Variants in ABCA1 observed in about 807,000 individuals in gnomAD.
The protein encoded by ABCA1 is ATP binding cassette subfamily A member 1, also known as phospholipid-transporting ATPase ABCA1.
ABCA1 carries 133 observed loss-of-function variants against 262.5 expected under a neutral mutation model. The ratio of observed to expected loss-of-function variants is 0.51; its 90% CI spans 0.44 to 0.59. The LOEUF (loss-of-function observed/expected upper bound fraction) is 0.59. ABCA1 is among the 20% of genes least tolerant of loss of function. ABCA1 has a pLI of 0.00. For missense variants in ABCA1, 2,452 were observed against 2,777.5 expected (o/e 0.88, Z 2.63); for synonymous variants, 1,022 against 1,043.5 (o/e 0.98, Z 0.40).
chr9:104,799,533 T>A, intron 36 of ABCA1: 1 of 981,782 alleles, frequency 1.0e-6, no homozygotes, highest in Non-Finnish European at 1.2e-6. Flanking sequence ...TAAACACTTA[T>A]AATTAAATTA....
intron 2 of ABCA1, among the ~76,000 whole-genome samples, chr9:104,901,615 C>A (rs564074957): frequency 6.6e-6 from 1 of 152,024 alleles, no homozygotes; most frequent in African/African-American, 2.4e-5. Flanking sequence ...GGGATAACCA[C>A]GGGAGGCAGG....
At chr9:104,882,810 T>C (rs565796584) in intron 5 of ABCA1, among the ~76,000 whole-genome samples, 2 of 152,350 alleles carry the variant, frequency 1.3e-5, no homozygotes, top group South Asian at 4.1e-4. Flanking sequence ...CTGGGGACTT[T>C]TCTTCTGTCT....
intron 44 of ABCA1, 41 bp downstream of exon 44, chr9:104,790,881 C>G: frequency 7.4e-7 from 1 of 1,348,864 alleles, no homozygotes; most frequent in Non-Finnish European, 1.1e-6. Context: ...AAATTAAAAA[C>G]AAAGTCTTTG....
At chr9:104,878,056 C>A (rs763285019) in intron 5 of ABCA1, among the ~76,000 whole-genome samples, 2 of 152,278 alleles carry the variant, frequency 1.3e-5, no homozygotes, top group Admixed American at 6.5e-5. Flanking sequence ...AGATACCACA[C>A]AAAACTCACC....
At chr9:104,820,723 G>C (rs1038037820) in intron 20 of ABCA1, among the ~76,000 whole-genome samples, 1 of 152,002 alleles carries the variant, frequency 6.6e-6, no homozygotes, top group African/African-American at 2.4e-5. Context: ...AGCACTACCA[G>C]GTCTGGGAAG....
Position 104,862,653 on chromosome 9 carries a change from CCGGGCCGGGCCGG to C in ABCA1, c.422-866_422-854del, listed in dbSNP as rs1836599577. Among the ~76,000 whole-genome samples the C allele has an allele frequency of 3.9e-3, 14 of 3,584 alleles. 3 individuals are homozygous for C. The highest frequency in any genetic ancestry group is 6.4e-3 in the Admixed American group (3 of 470). 2.4% of individuals were successfully genotyped at this position (3,584 alleles called of 152,430 possible). ...GACTGCCGGGCCGGGCCGGGCCGGGCCGGGCCGGGCCGGGCCGGGCCGGGCCGGGCCGGGCCGG... is the reference window on the plus strand; with the variant it reads ...GACTGCCGGGCCGGGCCGGGCCGGGCGCCGGGCCGGGCCGGGCCGGGCCGG... On this transcript the variant is annotated intron_variant, in intron 5 of 49. Transcript: ENST00000374736.
intron 5 of ABCA1, among the ~76,000 whole-genome samples, chr9:104,874,886 C>T (rs1310957278): frequency 7.1e-6 from 1 of 140,996 alleles, no homozygotes; most frequent in Non-Finnish European, 1.5e-5. Flanking sequence ...CAGCCCCCGC[C>T]CGGCCAGCCG....
chr9:104,798,339 A>G, intron 37 of ABCA1, 82 bp downstream of exon 37: 10 of 1,499,062 alleles, frequency 6.7e-6, no homozygotes, highest in Non-Finnish European at 8.4e-6. Flanking sequence ...TCCTGATGAT[A>G]GCCAGAGCTC....
intron 39 of ABCA1, among the ~76,000 whole-genome samples, chr9:104,795,724 T>C (rs555064337): frequency 6.6e-6 from 1 of 152,248 alleles, no homozygotes; most frequent in African/African-American, 2.4e-5. Flanking sequence ...AGAGAGGTGA[T>C]GGTAAAAGCC....
chr9:104,843,258 C>T (rs1038839412), intron 8 of ABCA1, among the ~76,000 whole-genome samples: 1 of 152,206 alleles, frequency 6.6e-6, no homozygotes, highest in African/African-American at 2.4e-5. Context: ...CTGCTGAGTC[C>T]TCAACACCTA....
Position 104,817,308 on chromosome 9 carries a change from A to G in ABCA1, c.3535+24T>C. ...CTGGGGGAAGCTCAGGCACCACCTG[A>G]ATAAGAAACCCCAGAGTCCTTACCG... On this transcript the variant is annotated intron_variant, in intron 24 of 49. Coordinates refer to ENST00000374736, the MANE Select transcript of ABCA1 (RefSeq NM_005502.4). This position sits in a 1 kb window ranked among gnomAD's most constrained non-coding sequence, Gnocchi z 4.7. The G allele has an allele frequency of 6.2e-7, 1 of 1,614,082 alleles. No homozygotes were observed.
intron 5 of ABCA1, among the ~76,000 whole-genome samples, chr9:104,876,188 C>T (rs1305550951): frequency 2.6e-5 from 4 of 152,192 alleles, no homozygotes; most frequent in African/African-American, 9.7e-5. Context: ...CCCAGATGCC[C>T]CACAAGTCTA....
intron 2 of ABCA1, among the ~76,000 whole-genome samples, chr9:104,897,818 G>T (rs1399873255): frequency 6.6e-6 from 1 of 152,142 alleles, no homozygotes; most frequent in African/African-American, 2.4e-5. Context: ...GACCAGGCTG[G>T]TCTCAAATTC....
In ABCA1 at chr9:104,831,847, C is replaced by CATGAGAACGTTGGCAGCCAGG; in HGVS notation, c.1510-41_1510-21dup. ...GACACACTGATAGAAGAACAGCCTT[C>CATGAGAACGTTGGCAGCCAGG]ATGAGAACGTTGGCAGCCAGGACAA... is the stretch of plus-strand genomic sequence containing the variant. On this transcript the variant is annotated intron_variant, in intron 12 of 49. Transcript: ENST00000374736. 6.2e-7 allele frequency: 1 copy of CATGAGAACGTTGGCAGCCAGG among 1,613,434 alleles called. No individual in the cohort carries two copies. The highest frequency in any genetic ancestry group is 1.1e-5 in the South Asian group (1 of 91,054).
At chr9:104,882,704 A>AT (rs1169374178) in intron 5 of ABCA1, among the ~76,000 whole-genome samples, 2 of 152,264 alleles carry the variant, frequency 1.3e-5, no homozygotes, top group Admixed American at 6.5e-5. Flanking sequence ...CTATAAATCC[A>AT]TTCACTGCAA....
Position 104,858,582 on chromosome 9 carries a change from C to T in ABCA1, c.660G>A (p.Glu220=). The stretch of plus-strand genomic sequence containing the variant: ...GTACTCGCTCTGCTGCAGCCAGTTT[C>T]TCCCTTGGTAGGCCACAAAGCTCAG... The part of the protein sequence containing the change: ...EVSELCGLPR[E]KLAAAERVLR... Residue 220 remains glutamate (E), a synonymous_variant, in exon 7 of 50, where the codon GAG becomes GAA. Coordinates refer to ENST00000374736, the MANE Select transcript of ABCA1 (RefSeq NM_005502.4). 1 of 1,614,220 alleles carries T rather than the reference C, an allele frequency of 6.2e-7. No homozygotes were observed. The highest frequency in any genetic ancestry group is 8.5e-7 in the Non-Finnish European group (1 of 1,180,032).
At chr9:104,860,828 C>T (rs2472435) in intron 6 of ABCA1, among the ~76,000 whole-genome samples, 56,056 of 146,432 alleles carry the variant, frequency 0.38, 12,359 homozygotes, top group African/African-American at 0.63. Flanking sequence ...GTGATATTGG[C>T]TCACTGCAAC....
At chr9:104,911,944 T>C (rs919198792) in intron 1 of ABCA1, among the ~76,000 whole-genome samples, 2 of 152,222 alleles carry the variant, frequency 1.3e-5, no homozygotes, top group African/African-American at 4.8e-5. Context: ...TAAAAATATA[T>C]AGATCCAGTG....
chr9:104,914,925 C>A (rs1420838720), intron 1 of ABCA1, among the ~76,000 whole-genome samples: 3 of 152,122 alleles, frequency 2.0e-5, no homozygotes, highest in Admixed American at 6.5e-5. Context: ...TTCATGTGAG[C>A]TAGAGAGAAT....
Sources: gnomAD v4.1 joint callset for allele counts (sites outside exome capture counted in the v4.1 genomes callset) on GRCh38, gnomAD v4.1.1 for gene constraint, Gnocchi (gnomAD v3.1) non-coding constraint, MANE v1.5 for transcripts, NCBI Gene and HGNC (gene_info 2026-07-23, HGNC 2026-07-21) for gene names.